ZP3: variants seen among roughly 807,000 people sequenced by gnomAD.
The protein encoded by ZP3 is zona pellucida glycoprotein 3.
ZP3 carries 21 observed loss-of-function variants against 35.6 expected under a neutral mutation model. The observed-to-expected ratio is 0.59, with a 90% CI of 0.42 to 0.85. The LOEUF is 0.85. Among genes scored for constraint, ZP3 ranks in the 40% least tolerant of loss-of-function variants. The pLI is 0.00. For synonymous variants in ZP3, 207 were observed against 214.5 expected, an observed-to-expected ratio of 0.96 and a Z score of 0.31; for missense variants, 437 against 536.5, an observed-to-expected ratio of 0.81 and a Z score of 1.83.
intron 5 of ZP3, chr7:76,440,032 C>T (rs1468048430): frequency 6.6e-5 from 37 of 562,846 alleles, no homozygotes; most frequent in Non-Finnish European, 1.0e-4. Flanking sequence ...TTTTTAGTAG[C>T]GATGGGGTTT....
chr7:76,408,949 G>C (rs1166198425), intron 1 of ZP3, among the ~76,000 whole-genome samples: 1 of 152,148 alleles, frequency 6.6e-6, no homozygotes, highest in Non-Finnish European at 1.5e-5. Context: ...ACCTTGCAAA[G>C]CCTCACTGTT....
At chr7:76,419,386 C>T (rs1373518331) in intron 1 of ZP3, among the ~76,000 whole-genome samples, 1 of 152,096 alleles carries the variant, frequency 6.6e-6, no homozygotes, top group Non-Finnish European at 1.5e-5. Flanking sequence ...AGTTTTTCCC[C>T]AGATGGATAA....
intron 1 of ZP3, among the ~76,000 whole-genome samples, chr7:76,419,016 C>G (rs1188997274): frequency 1.6e-4 from 24 of 152,124 alleles, no homozygotes; most frequent in Admixed American, 1.6e-3. Context: ...CAAACTTGAG[C>G]AAGTTCCTTA....
intron 3 of ZP3, 111 bp downstream of exon 3, chr7:76,433,141 T>TTGGTTGGTTG: frequency 1.4e-6 from 1 of 691,398 alleles, no homozygotes; most frequent in South Asian, 1.9e-5. Flanking sequence ...TTGGTTGGTT[T>TTGGTTGGTTG]TGGTTGGTTT....
chr7:76,431,276 G>T (rs1466322454), intron 2 of ZP3, among the ~76,000 whole-genome samples: 1 of 152,152 alleles, frequency 6.6e-6, no homozygotes, highest in African/African-American at 2.4e-5. Flanking sequence ...TCGGCATGAG[G>T]GACTGAAGCT....
intron 1 of ZP3, among the ~76,000 whole-genome samples, chr7:76,402,118 C>T (rs891382281): frequency 2.0e-5 from 3 of 151,636 alleles, no homozygotes; most frequent in African/African-American, 7.3e-5. Flanking sequence ...TACCGGAGTT[C>T]AATCCATCCT....
chr7:76,432,838 G>A, intron 2 of ZP3, 89 bp from the exon 3 acceptor site: 3 of 1,115,250 alleles, frequency 2.7e-6, no homozygotes, highest in Non-Finnish European at 1.3e-6. Flanking sequence ...GGACCCTGTA[G>A]TGGGGTAGCA....
At chr7:76,437,539 G>A (rs1458158323) in intron 5 of ZP3, among the ~76,000 whole-genome samples, 10 of 149,150 alleles carry the variant, frequency 6.7e-5, no homozygotes, top group African/African-American at 2.5e-4. Context: ...AGGCTAGAGT[G>A]CAATGGCGTA....
chr7:76,422,156 C>A (rs560717477), upstream of ZP3, among the ~76,000 whole-genome samples: 1 of 151,920 alleles, frequency 6.6e-6, no homozygotes, highest in East Asian at 1.9e-4. Context: ...CTCGGCCTCC[C>A]AAAATGCTGG....
At chr7:76,437,854 C>T (rs557085924) in intron 5 of ZP3, among the ~76,000 whole-genome samples, 21 of 152,282 alleles carry the variant, frequency 1.4e-4, no homozygotes, top group Admixed American at 1.3e-3. Flanking sequence ...TCTTAGACTC[C>T]AGTTAGCACC....
intron 1 of ZP3, among the ~76,000 whole-genome samples, chr7:76,416,853 TACATATATATACAC>T (rs2115854130): frequency 6.7e-6 from 1 of 148,688 alleles, no homozygotes; most frequent in Non-Finnish European, 1.5e-5. Context: ...TATACACACA[TACATATATATACAC>T]ACATATATAC....
At chr7:76,418,140 A>G (rs914681740) in intron 1 of ZP3, among the ~76,000 whole-genome samples, 3 of 151,716 alleles carry the variant, frequency 2.0e-5, no homozygotes, top group East Asian at 1.9e-4. Context: ...GGATTTCGCC[A>G]TGTTGCCCAG....
intron 1 of ZP3, among the ~76,000 whole-genome samples, chr7:76,428,164 T>TTAAA (rs1554625139): frequency 7.5e-6 from 1 of 133,950 alleles, no homozygotes; most frequent in African/African-American, 2.7e-5. Flanking sequence ...TGTCTCTATT[T>TTAAA]AAAAAAAAAA....
At chr7:76,425,378 CCT>C in intron 1 of ZP3, 102 bp downstream of exon 1, 1 of 1,293,568 alleles carries the variant, frequency 7.7e-7, no homozygotes. Context: ...TGGGTGGATC[CCT>C]CTCACTTGTA....
At chr7:76,405,339 CTT>C (rs1193527373) in intron 1 of ZP3, among the ~76,000 whole-genome samples, 16 of 21,386 alleles carry the variant, frequency 7.5e-4, no homozygotes, top group African/African-American at 2.3e-3. Flanking sequence ...TTCTTTCTTT[CTT>C]TTTTTTTTTT....
chr7:76,436,062 T>C (rs1805997600), intron 5 of ZP3, among the ~76,000 whole-genome samples: 3 of 91,542 alleles, frequency 3.3e-5, no homozygotes, highest in Admixed American at 2.7e-4. Flanking sequence ...TTTTTTTTTT[T>C]TTTTTTTTTT....
At chr7:76,430,775 C>T (rs1805803893) in intron 2 of ZP3, among the ~76,000 whole-genome samples, 1 of 152,068 alleles carries the variant, frequency 6.6e-6, no homozygotes, top group Non-Finnish European at 1.5e-5. Context: ...GGAGCTGATA[C>T]CAGTCAGGAC....
chr7:76,423,159 G>A (rs935164111), upstream of ZP3, among the ~76,000 whole-genome samples: 2 of 151,280 alleles, frequency 1.3e-5, no homozygotes, highest in African/African-American at 4.9e-5. Flanking sequence ...ACATAAAGGA[G>A]GCAGCATGAG....
At chr7:76,402,296 C>T (rs1490182864) in intron 1 of ZP3, among the ~76,000 whole-genome samples, 2 of 151,716 alleles carry the variant, frequency 1.3e-5, no homozygotes, top group African/African-American at 4.8e-5. Context: ...TCTCCCACCT[C>T]AGCCTCCCGA....
Sources: gnomAD v4.1 joint callset for allele counts (sites outside exome capture counted in the v4.1 genomes callset) on GRCh38, gnomAD v4.1.1 for gene constraint, MANE v1.5 for transcripts, NCBI Gene and HGNC (gene_info 2026-07-23, HGNC 2026-07-21) for gene names.